Variants in NDST4 observed in about 807,000 individuals in gnomAD.
The protein encoded by NDST4 is N-heparan sulfate sulfotransferase 4.
NDST4 carries 63 observed loss-of-function variants against 100.8 expected under a neutral mutation model. The ratio of observed to expected loss-of-function variants is 0.62; its 90% confidence interval spans 0.51 to 0.77. The LOEUF (loss-of-function observed/expected upper bound fraction) is 0.77. NDST4 is among the 30% of genes least tolerant of loss of function. The probability of loss-of-function intolerance (pLI) is 0.00; values close to 1 mark genes in which losing one functional copy is unlikely to be tolerated. For missense variants in NDST4, 943 were observed against 1,018.4 expected, an observed-to-expected ratio of 0.93 and a Z score of 1.01; for synonymous variants, 377 against 361.8, an observed-to-expected ratio of 1.04 and a Z score of -0.48.
intron 7 of NDST4, among the ~76,000 whole-genome samples, chr4:114,870,456 T>C (rs979226050): frequency 6.6e-6 from 1 of 152,094 alleles, no homozygotes; most frequent in African/African-American, 2.4e-5. Context: ...TGCTAGTTAG[T>C]GCTCACACTG....
chr4:114,980,286 C>A (rs1726737865), intron 2 of NDST4, among the ~76,000 whole-genome samples: 2 of 152,058 alleles, frequency 1.3e-5, no homozygotes, highest in Admixed American at 1.3e-4. Context: ...AATAGTAAAG[C>A]TCAGGAAATA....
At chr4:115,006,513 T>C (rs774451682) in intron 2 of NDST4, among the ~76,000 whole-genome samples, 7 of 152,140 alleles carry the variant, frequency 4.6e-5, no homozygotes, top group Non-Finnish European at 1.0e-4. Flanking sequence ...AGATTTAATA[T>C]AGGAGAGAAG....
intron 4 of NDST4, among the ~76,000 whole-genome samples, chr4:114,941,448 G>T (rs765153959): frequency 4.0e-5 from 6 of 151,794 alleles, no homozygotes; most frequent in Non-Finnish European, 5.9e-5. Flanking sequence ...TTCTTGGAGA[G>T]GTTATAAAAC....
intron 11 of NDST4, among the ~76,000 whole-genome samples, chr4:114,835,649 T>G (rs1181051099): frequency 6.6e-6 from 1 of 152,210 alleles, no homozygotes; most frequent in African/African-American, 2.4e-5. Context: ...AGTCCAGAGC[T>G]GAGTTCAATT....
At position 115,015,307 on chromosome 4, in the gene NDST4, A is replaced by G. The variant is rs139688713; in HGVS notation, c.979-38033T>C. ...TTACAGATGGTTCTGTGTGAAATGCAGGCAAGACCTGGTAAAATTCAGGTG... is the reference window on the plus strand; with the variant it reads ...TTACAGATGGTTCTGTGTGAAATGCGGGCAAGACCTGGTAAAATTCAGGTG... On this transcript the variant is annotated intron_variant, in intron 2 of 13. Transcript: ENST00000264363. 2.8e-3 allele frequency among the ~76,000 whole-genome samples: 423 copies of G among 152,234 alleles called. 1 individual carries two copies. Among genetic ancestry groups the G allele is most frequent in the African/African-American group, 9.8e-3 (408 of 41,572 alleles).
intron 3 of NDST4, among the ~76,000 whole-genome samples, chr4:114,976,627 A>T (rs931557701): frequency 1.3e-5 from 2 of 151,950 alleles, no homozygotes; most frequent in South Asian, 4.1e-4. Flanking sequence ...AAAGAAATAC[A>T]AGTCTAATTG....
Position 114,975,691 on chromosome 4 carries a change from A to T in NDST4, c.1066+1496T>A, listed in dbSNP as rs76619561. The stretch of plus-strand genomic sequence containing the variant: ...CAGTTATCCAGATATACTTCAGCCA[A>T]AAGAATGACTTTCCTTACAATCTAC... On this transcript the variant is annotated intron_variant, in intron 3 of 13. Transcript: ENST00000264363. Among the ~76,000 whole-genome samples the T allele has an allele frequency of 4.9e-3, 744 of 152,258 alleles. 12 individuals are homozygous for T. Among genetic ancestry groups the T allele is most frequent in the African/African-American group, 0.017 (704 of 41,574 alleles).
chr4:114,890,811 C>A (rs1414459088), intron 6 of NDST4, among the ~76,000 whole-genome samples: 2 of 152,084 alleles, frequency 1.3e-5, no homozygotes, highest in Non-Finnish European at 2.9e-5. Context: ...CAAATTTATT[C>A]TCCTGCCTCT....
chr4:115,002,182 A>G (rs1727305503), intron 2 of NDST4, among the ~76,000 whole-genome samples: 1 of 152,180 alleles, frequency 6.6e-6, no homozygotes, highest in African/African-American at 2.4e-5. Flanking sequence ...TGACATTTTA[A>G]TAATTGTCAG....
intron 12 of NDST4, among the ~76,000 whole-genome samples, chr4:114,831,205 A>T (rs1723190635): frequency 6.8e-6 from 1 of 146,230 alleles, no homozygotes; most frequent in South Asian, 2.2e-4. Flanking sequence ...GGCGCCCGCC[A>T]CGGCGCCCGG....
At chr4:114,984,990 T>TTA (rs1345268111) in intron 2 of NDST4, among the ~76,000 whole-genome samples, 1 of 152,196 alleles carries the variant, frequency 6.6e-6, no homozygotes, top group Admixed American at 6.5e-5. Flanking sequence ...CTATAATGTA[T>TTA]ACATTAACAA....
At chr4:115,110,430 T>C (rs10001216) in intron 1 of NDST4, among the ~76,000 whole-genome samples, 1,950 of 152,082 alleles carry the variant, frequency 0.013, 44 homozygotes, top group African/African-American at 0.045. Context: ...ACATGGTTTC[T>C]CTTTTTCCTA....
chr4:114,861,341 C>T (rs897345132), intron 7 of NDST4, among the ~76,000 whole-genome samples: 2 of 152,162 alleles, frequency 1.3e-5, no homozygotes, highest in Non-Finnish European at 2.9e-5. Context: ...ATATTTATCT[C>T]ATGTGGTTGT....
At chr4:114,964,173 C>T (rs767679834) in intron 4 of NDST4, among the ~76,000 whole-genome samples, 4 of 152,188 alleles carry the variant, frequency 2.6e-5, no homozygotes, top group Non-Finnish European at 4.4e-5. Flanking sequence ...TGGCAAGGAA[C>T]ACAGGGCAGA....
intron 9 of NDST4, 147 bp from the exon 10 acceptor site, chr4:114,846,144 C>A: frequency 2.7e-6 from 2 of 737,582 alleles, no homozygotes; most frequent in Non-Finnish European, 4.2e-6. Flanking sequence ...ATATTCTATA[C>A]ACATTGAATG....
intron 2 of NDST4, among the ~76,000 whole-genome samples, chr4:115,065,229 C>T (rs526459): frequency 0.16 from 23,829 of 151,858 alleles, 2,279 homozygotes; most frequent in East Asian, 0.46. Context: ...AGCTACTTTC[C>T]ACTCCTTATC....
chr4:115,089,168 A>C (rs982497180), intron 1 of NDST4, among the ~76,000 whole-genome samples: 1 of 151,962 alleles, frequency 6.6e-6, no homozygotes, highest in Non-Finnish European at 1.5e-5. Context: ...ACTTGTTGGG[A>C]AAGGTGGTGG....
chr4:115,081,984 T>A (rs1729314401), intron 1 of NDST4, among the ~76,000 whole-genome samples: 2 of 152,160 alleles, frequency 1.3e-5, no homozygotes, highest in African/African-American at 2.4e-5. Flanking sequence ...TTCTAATAAA[T>A]CTTTCGTTAA....
chr4:114,929,070 G>GTCCGTCCGTCCGTCCA, intron 6 of NDST4, among the ~76,000 whole-genome samples: 1 of 92,848 alleles, frequency 1.1e-5, no homozygotes, highest in Non-Finnish European at 2.5e-5. Context: ...CCGTCCGTCC[G>GTCCGTCCGTCCGTCCA]TCCGTCCATC....
Sources: gnomAD v4.1 joint callset for allele counts (sites outside exome capture counted in the v4.1 genomes callset) on GRCh38, gnomAD v4.1.1 for gene constraint, MANE v1.5 for transcripts, NCBI Gene and HGNC (gene_info 2026-07-23, HGNC 2026-07-21) for gene names.